Variants in CNTNAP5 observed in about 807,000 individuals in gnomAD.
CNTNAP5 encodes the protein contactin associated protein family member 5, also known as contactin-associated protein-like 5.
A neutral mutation model predicts 150.2 loss-of-function variants in CNTNAP5; 72 were observed. The observed-to-expected ratio is 0.48, with a 90% CI of 0.40 to 0.58. The LOEUF (loss-of-function observed/expected upper bound fraction) is 0.58. CNTNAP5 is among the 20% of genes least tolerant of loss of function. CNTNAP5 has a pLI of 0.00. For synonymous variants in CNTNAP5, 672 were observed against 619.8 expected (o/e 1.08, Z -1.25); for missense variants, 1,636 against 1,626.2 (o/e 1.01, Z -0.10).
intron 3 of CNTNAP5, among the ~76,000 whole-genome samples, chr2:124,332,636 A>G (rs1300645354): frequency 6.6e-6 from 1 of 151,734 alleles, no homozygotes; most frequent in Admixed American, 6.6e-5. Flanking sequence ...AATTTAGTAA[A>G]ACTCTAATGA....
At chr2:124,254,098 G>C (rs573517818) in intron 3 of CNTNAP5, among the ~76,000 whole-genome samples, 1 of 152,158 alleles carries the variant, frequency 6.6e-6, no homozygotes, top group African/African-American at 2.4e-5. Flanking sequence ...ACCTACATTA[G>C]AGCAGTATAA....
At chr2:124,510,239 ATATATCTATATC>A (rs1160060207) in intron 8 of CNTNAP5, among the ~76,000 whole-genome samples, 1 of 141,622 alleles carries the variant, frequency 7.1e-6, no homozygotes, top group African/African-American at 2.7e-5. Flanking sequence ...TTATATATCT[ATATATCTATATC>A]TATATCTATA....
chr2:124,674,102 T>C (rs1177086845), intron 13 of CNTNAP5, among the ~76,000 whole-genome samples: 2 of 152,158 alleles, frequency 1.3e-5, no homozygotes, highest in African/African-American at 4.8e-5. Context: ...ATTTTAGTCT[T>C]CTCTCTTTTT....
At chr2:124,666,527 C>CTGTTGG (rs1342007980) in intron 13 of CNTNAP5, among the ~76,000 whole-genome samples, 1 of 152,144 alleles carries the variant, frequency 6.6e-6, no homozygotes, top group African/African-American at 2.4e-5. Flanking sequence ...AGAGAGGTGT[C>CTGTTGG]ATCACAAGGC....
chr2:124,714,223 T>C (rs1679899080), intron 13 of CNTNAP5, among the ~76,000 whole-genome samples: 1 of 152,262 alleles, frequency 6.6e-6, no homozygotes, highest in Non-Finnish European at 1.5e-5. Context: ...TTGTGATTTT[T>C]TTCACCTCTA....
At chr2:124,172,247 T>A (rs1309822233) in intron 1 of CNTNAP5, among the ~76,000 whole-genome samples, 2 of 152,216 alleles carry the variant, frequency 1.3e-5, no homozygotes, top group Non-Finnish European at 2.9e-5. Flanking sequence ...AAATATTTTT[T>A]ATTTTTTTAA....
chr2:124,080,961 T>G (rs1032332304), intron 1 of CNTNAP5, among the ~76,000 whole-genome samples: 3 of 152,162 alleles, frequency 2.0e-5, no homozygotes, highest in African/African-American at 7.2e-5. Context: ...GATTGAAGGA[T>G]TCTAGTGATA....
chr2:124,706,755 GAA>G (rs1679648834), intron 13 of CNTNAP5, among the ~76,000 whole-genome samples: 1 of 22,348 alleles, frequency 4.5e-5, no homozygotes, highest in African/African-American at 2.0e-4. Context: ...TCAAGAAGAA[GAA>G]GAAGAAGAAG....
At chr2:124,260,193 G>T (rs997002936) in intron 3 of CNTNAP5, among the ~76,000 whole-genome samples, 2 of 152,096 alleles carry the variant, frequency 1.3e-5, no homozygotes, top group Admixed American at 6.5e-5. Flanking sequence ...GAACAGAACA[G>T]AACCCTCAGA....
Position 124,217,129 on chromosome 2 carries a change from T to C in CNTNAP5, c.83-4576T>C, listed in dbSNP as rs190438231. Among the ~76,000 whole-genome samples the C allele has an allele frequency of 5.3e-5, 8 of 152,330 alleles. No homozygotes were observed. In the East Asian group the frequency reaches 1.3e-3, roughly 26 times the overall value. On this transcript the variant is annotated intron_variant, in intron 1 of 23. Coordinates refer to ENST00000682447, the MANE Select transcript of CNTNAP5 (RefSeq NM_001367498.1). ...CAATGCATCTGTGAAATTTGGTTCA[T>C]TCTTGGAAAGTGATTCCTGGGAAAT...
rs541730792 is a variant in CNTNAP5, at chr2:124,455,612, A to G, written c.918+8675A>G. On this transcript the variant is annotated intron_variant, in intron 6 of 23. Coordinates refer to ENST00000682447, the MANE Select transcript of CNTNAP5 (RefSeq NM_001367498.1). ...ACCAAAACCAGGAAAGGACATAACC[A>G]AAAAGAAAACTACATACCAATATCC... 9.9e-5 allele frequency among the ~76,000 whole-genome samples: 15 copies of G among 152,282 alleles called. No homozygotes were observed. The South Asian group carries it at 3.1e-3, about 32-fold the overall frequency.
chr2:124,644,047 A>C (rs1195973985), intron 12 of CNTNAP5, among the ~76,000 whole-genome samples: 1 of 152,228 alleles, frequency 6.6e-6, no homozygotes, highest in Non-Finnish European at 1.5e-5. Flanking sequence ...TCCACTGTCC[A>C]ACTAACTTGA....
chr2:124,731,606 G>A (rs879873215), intron 13 of CNTNAP5, among the ~76,000 whole-genome samples: 2 of 151,230 alleles, frequency 1.3e-5, no homozygotes, highest in African/African-American at 2.4e-5. Flanking sequence ...AGAGACAAAT[G>A]CAGAGACAGA....
intron 1 of CNTNAP5, among the ~76,000 whole-genome samples, chr2:124,194,951 T>TATA (rs1685548751): frequency 6.6e-6 from 1 of 151,840 alleles, no homozygotes; most frequent in African/African-American, 2.4e-5. Context: ...TGTTATACTA[T>TATA]ATAAGGGATC....
intron 1 of CNTNAP5, among the ~76,000 whole-genome samples, chr2:124,057,800 G>A (rs956999548): frequency 6.6e-5 from 10 of 151,838 alleles, no homozygotes; most frequent in African/African-American, 2.4e-4. Context: ...TAGAAAATGG[G>A]GATGATTAAT....
At chr2:124,230,767 G>C (rs542130126) in intron 2 of CNTNAP5, among the ~76,000 whole-genome samples, 26 of 152,100 alleles carry the variant, frequency 1.7e-4, no homozygotes, top group South Asian at 1.5e-3. Context: ...CCTGACCTTA[G>C]GTGATCCACC....
chr2:124,820,187 T>G (rs1165952851), intron 19 of CNTNAP5, among the ~76,000 whole-genome samples: 1 of 152,038 alleles, frequency 6.6e-6, no homozygotes, highest in Non-Finnish European at 1.5e-5. Flanking sequence ...TAGTCTGTTT[T>G]TTTGTTTGCC....
intron 3 of CNTNAP5, among the ~76,000 whole-genome samples, chr2:124,323,627 C>T (rs1048003140): frequency 7.2e-5 from 11 of 152,122 alleles, no homozygotes; most frequent in Admixed American, 4.6e-4. Context: ...TCCACAGCAC[C>T]CTCATATCAC....
At chr2:124,838,441 A>G (rs767577066) in intron 19 of CNTNAP5, among the ~76,000 whole-genome samples, 1 of 152,166 alleles carries the variant, frequency 6.6e-6, no homozygotes, top group Non-Finnish European at 1.5e-5. Context: ...CCACTATGTC[A>G]TGGAGCTCTA....
Sources: allele counts gnomAD v4.1 joint callset (sites outside exome capture counted in the v4.1 genomes callset), GRCh38; gene constraint gnomAD v4.1.1; transcripts MANE v1.5; gene names NCBI Gene and HGNC (gene_info 2026-07-23, HGNC 2026-07-21).